ADSS2: variants seen among roughly 807,000 people sequenced by gnomAD.
ADSS2 encodes the protein adenylosuccinate synthetase isozyme 2.
ADSS2 carries 30 observed loss-of-function variants against 60.0 expected under a neutral mutation model. The observed-to-expected ratio is 0.50, with a 90% CI of 0.37 to 0.68. ADSS2 has a LOEUF of 0.68. Ranked by LOEUF, ADSS2 falls within the 30% of genes least tolerant of loss-of-function variation. The pLI, the probability that ADSS2 is intolerant of heterozygous loss-of-function variation, is 0.00. For synonymous variants in ADSS2, 187 were observed against 193.1 expected (o/e 0.97, Z 0.26); for missense variants, 373 against 554.8 (o/e 0.67, Z 3.29).
chr1:244,411,301 T>G lies in ADSS2; in HGVS notation c.1304A>C (p.Glu435Ala), dbSNP rs751406369. The G allele has an allele frequency of 2.2e-5, 36 of 1,608,924 alleles. No individual in the cohort carries two copies. In the Middle Eastern group the frequency reaches 6.9e-4, roughly 31 times the overall value. The change falls in exon 12 of 13, where the codon GAG (glutamate) becomes GCG (alanine). Residue 435 changes from glutamate (E) to alanine (A), a missense_variant. Coordinates refer to ENST00000366535, the MANE Select transcript of ADSS2 (RefSeq NM_001126.5). ...AQNYVRFIEDELQIPVKWIGV... is the reference protein window; with the variant it reads ...AQNYVRFIEDALQIPVKWIGV... ...TTTATGTTTACCTGGAATTTGAAGCTCATCTTCAATAAATCGAACATAGTT... is the reference window on the plus strand; with the variant it reads ...TTTATGTTTACCTGGAATTTGAAGCGCATCTTCAATAAATCGAACATAGTT...
chr1:244,434,569 A>G (rs1665037129), intron 3 of ADSS2, among the ~76,000 whole-genome samples: 1 of 152,218 alleles, frequency 6.6e-6, no homozygotes, highest in Non-Finnish European at 1.5e-5. Context: ...GTAAACCTGG[A>G]ATATTAAGCC....
intron 11 of ADSS2, among the ~76,000 whole-genome samples, chr1:244,412,930 T>A (rs1428613726): frequency 6.6e-6 from 1 of 152,182 alleles, no homozygotes; most frequent in Non-Finnish European, 1.5e-5. Flanking sequence ...CAAGGCAGCA[T>A]GTGCCCATCT....
Position 244,420,283 on chromosome 1 carries a change from T to G in ADSS2, c.677A>C (p.Lys226Thr). Residue 226 changes from lysine to threonine, a missense_variant, in exon 8 of 13, where the codon AAG becomes ACG. Physicochemically the swap from Lys to Thr is moderately conservative, Grantham distance 78. Transcript: ENST00000366535. ...ELQKLKGYME[K>T]IKPMVRDGVY... ...TCCATCTCTCACCATTGGTTTAATC[T>G]TTTCCATATAACCCTATACACAAAG... The G allele has an allele frequency of 2.5e-6, 4 of 1,612,380 alleles. No individual in the cohort carries two copies. Among genetic ancestry groups the G allele is most frequent in the Non-Finnish European group, 3.4e-6 (4 of 1,179,080 alleles).
chr1:244,420,378 T>G, intron 7 of ADSS2, 82 bp from the exon 8 acceptor site: 2 of 1,302,052 alleles, frequency 1.5e-6, no homozygotes, highest in Admixed American at 2.3e-5. Flanking sequence ...TTACCTGACT[T>G]TATGACATGA....
chr1:244,439,409 A>G (rs1298967988), intron 1 of ADSS2, among the ~76,000 whole-genome samples: 5 of 152,136 alleles, frequency 3.3e-5, no homozygotes, highest in Non-Finnish European at 7.4e-5. Context: ...CCTTCAAGGT[A>G]GCAACTTCCT....
chr1:244,429,278 C>T (rs1340335392), intron 4 of ADSS2, among the ~76,000 whole-genome samples: 1 of 152,176 alleles, frequency 6.6e-6, no homozygotes, highest in Non-Finnish European at 1.5e-5. Flanking sequence ...CATTGTACTA[C>T]GCTCCATATC....
At chr1:244,431,003 C>T (rs924904897) in intron 4 of ADSS2, among the ~76,000 whole-genome samples, 1 of 151,962 alleles carries the variant, frequency 6.6e-6, no homozygotes. Context: ...CCTGTAATCC[C>T]AGATACTCAG....
At chr1:244,450,617 G>A (rs796194971) in intron 1 of ADSS2, among the ~76,000 whole-genome samples, 1 of 152,188 alleles carries the variant, frequency 6.6e-6, no homozygotes, top group Non-Finnish European at 1.5e-5. Flanking sequence ...ACAGATAGCA[G>A]TTAACTTCAA....
intron 1 of ADSS2, among the ~76,000 whole-genome samples, chr1:244,445,681 G>A (rs917061410): frequency 6.6e-6 from 1 of 151,828 alleles, no homozygotes; most frequent in Non-Finnish European, 1.5e-5. Flanking sequence ...GGAATTAAAT[G>A]ATATTAGTTT....
intron 12 of ADSS2, among the ~76,000 whole-genome samples, chr1:244,410,432 C>G (rs969733803): frequency 6.6e-6 from 1 of 152,124 alleles, no homozygotes; most frequent in Non-Finnish European, 1.5e-5. Flanking sequence ...TACAGCCATA[C>G]GTTGTTATGC....
At chr1:244,439,553 C>T (rs75967433) in intron 1 of ADSS2, among the ~76,000 whole-genome samples, 4,368 of 152,234 alleles carry the variant, frequency 0.029, 207 homozygotes, top group African/African-American at 0.099. Context: ...CTGACTCTTC[C>T]TTCTCCTCAA....
chr1:244,415,272 C>A (rs920191395), intron 11 of ADSS2, among the ~76,000 whole-genome samples: 1 of 152,182 alleles, frequency 6.6e-6, no homozygotes, highest in South Asian at 2.1e-4. Flanking sequence ...ATAACATATA[C>A]TGGAACAGCC....
chr1:244,429,060 C>A (rs1457172185), intron 4 of ADSS2, among the ~76,000 whole-genome samples: 1 of 152,176 alleles, frequency 6.6e-6, no homozygotes, highest in Non-Finnish European at 1.5e-5. Flanking sequence ...AAAAACAGTA[C>A]ATCTTGACCA....
chr1:244,450,383 A>G (rs908297081), intron 1 of ADSS2, among the ~76,000 whole-genome samples: 2 of 152,234 alleles, frequency 1.3e-5, no homozygotes, highest in Non-Finnish European at 2.9e-5. Flanking sequence ...CTATTTCAGA[A>G]TGGGCAGGGT....
In ADSS2 at chr1:244,421,475, T is replaced by C. The variant is rs187442801; in HGVS notation, c.664-1179A>G. 2.5e-3 allele frequency among the ~76,000 whole-genome samples: 382 copies of C among 152,318 alleles called. 1 individual carries two copies. Among genetic ancestry groups the C allele is most frequent in the Non-Finnish European group, 4.2e-3 (289 of 68,034 alleles). ...CCTGTTTTAGTCCTATTTTTATGCCTGAAATGACCACACTAGTCATCACGT... is the reference window on the plus strand; with the variant it reads ...CCTGTTTTAGTCCTATTTTTATGCCCGAAATGACCACACTAGTCATCACGT... On this transcript the variant is annotated intron_variant, in intron 7 of 12. Transcript: ENST00000366535.
intron 3 of ADSS2, among the ~76,000 whole-genome samples, chr1:244,434,796 G>A (rs1013125685): frequency 4.6e-5 from 7 of 152,082 alleles, no homozygotes; most frequent in African/African-American, 1.4e-4. Flanking sequence ...AGGTAAAAAC[G>A]CAGAAAGGAG....
intron 4 of ADSS2, among the ~76,000 whole-genome samples, chr1:244,432,288 T>G (rs868815479): frequency 6.6e-6 from 1 of 152,234 alleles, no homozygotes; most frequent in Non-Finnish European, 1.5e-5. Flanking sequence ...TTAAATAGAA[T>G]TAGAGATGTC....
At chr1:244,451,972 C>T, upstream of ADSS2, 1 of 729,092 alleles carries the variant, frequency 1.4e-6, no homozygotes, top group Non-Finnish European at 2.1e-6. The surrounding 1 kb of genome is among the most constrained non-coding windows in gnomAD (Gnocchi z 6.6). Flanking sequence ...CCAGCCAGTC[C>T]CCGCCCCGCT....
Position 244,426,396 on chromosome 1 carries a change from G to A in ADSS2, c.407-2009C>T, listed in dbSNP as rs1664803589. Among the ~76,000 whole-genome samples, 4 of 151,766 alleles carry A rather than the reference G, an allele frequency of 2.6e-5. No homozygotes were observed. The South Asian group carries it at 8.3e-4, about 32-fold the overall frequency. On this transcript the variant is annotated intron_variant, in intron 4 of 12. Transcript: ENST00000366535. ...ACTAATGCTTTCCTTGGTTTTTCTAGGCCCCAGGAAGCAATTACTGTAATC... is the reference window on the plus strand; with the variant it reads ...ACTAATGCTTTCCTTGGTTTTTCTAAGCCCCAGGAAGCAATTACTGTAATC...
Sources: gnomAD v4.1 joint callset for allele counts (sites outside exome capture counted in the v4.1 genomes callset) on GRCh38, gnomAD v4.1.1 for gene constraint, Gnocchi (gnomAD v3.1) non-coding constraint, MANE v1.5 for transcripts, NCBI Gene and HGNC (gene_info 2026-07-23, HGNC 2026-07-21) for gene names.